ADAMTSL1: variants seen among roughly 807,000 people sequenced by gnomAD.
ADAMTSL1 encodes ADAMTS-like protein 1.
ADAMTSL1 carries 126 observed loss-of-function variants against 201.8 expected under a neutral mutation model. The observed-to-expected ratio is 0.62, with a 90% confidence interval of 0.54 to 0.72. ADAMTSL1 has a LOEUF of 0.72. Among genes scored for constraint, ADAMTSL1 ranks in the 30% least tolerant of loss-of-function variants. The pLI, the probability that ADAMTSL1 is intolerant of heterozygous loss-of-function variation, is 0.00. For synonymous variants in ADAMTSL1, 1,121 were observed against 903.4 expected (o/e 1.24, Z -4.32); for missense variants, 2,679 against 2,277.8 (o/e 1.18, Z -3.59).
intron 2 of ADAMTSL1, among the ~76,000 whole-genome samples, chr9:18,347,495 T>C (rs1835778063): frequency 6.6e-6 from 1 of 152,108 alleles, no homozygotes; most frequent in Non-Finnish European, 1.5e-5. Context: ...AAAGTACATA[T>C]ACACATAGGA....
intron 2 of ADAMTSL1, among the ~76,000 whole-genome samples, chr9:18,435,066 A>G (rs1006108753): frequency 6.6e-6 from 1 of 152,200 alleles, no homozygotes; most frequent in Non-Finnish European, 1.5e-5. Context: ...TCAAAGAGGG[A>G]GTTGAGATGT....
intron 16 of ADAMTSL1, among the ~76,000 whole-genome samples, chr9:18,769,597 G>A (rs544696033): frequency 6.6e-6 from 1 of 152,162 alleles, no homozygotes; most frequent in Non-Finnish European, 1.5e-5. Flanking sequence ...CTAACTTTTT[G>A]TTTGTGACAG....
intron 2 of ADAMTSL1, among the ~76,000 whole-genome samples, chr9:18,169,079 T>G (rs1827768566): frequency 7.8e-6 from 1 of 128,904 alleles, no homozygotes; most frequent in Non-Finnish European, 1.7e-5. Flanking sequence ...GTAGGTTGCC[T>G]GTTCACTCTG....
intron 23 of ADAMTSL1, among the ~76,000 whole-genome samples, chr9:18,869,259 T>C (rs1362685415): frequency 6.6e-6 from 1 of 152,196 alleles, no homozygotes; most frequent in Non-Finnish European, 1.5e-5. Context: ...CCTCCAGAAC[T>C]ATCAGACAAT....
chr9:18,776,676 C>T (rs1028083259), intron 18 of ADAMTSL1, 105 bp from the exon 19 acceptor site: 9 of 1,275,648 alleles, frequency 7.1e-6, no homozygotes, highest in Non-Finnish European at 9.4e-6. Context: ...CTTCTCTTCT[C>T]CACTCTGGCT....
intron 1 of ADAMTSL1, among the ~76,000 whole-genome samples, chr9:18,152,765 G>A (rs762115892): frequency 1.3e-5 from 2 of 151,798 alleles, no homozygotes; most frequent in African/African-American, 2.4e-5. Context: ...AATGTAAAGA[G>A]CAAGAATGCA....
intron 4 of ADAMTSL1, among the ~76,000 whole-genome samples, chr9:18,594,238 T>C (rs944876026): frequency 1.2e-4 from 19 of 152,138 alleles, no homozygotes; most frequent in Non-Finnish European, 2.4e-4. Flanking sequence ...CCAGTTGTAT[T>C]TGATCTCCTT....
At chr9:18,623,714 C>G (rs1826178724) in intron 5 of ADAMTSL1, among the ~76,000 whole-genome samples, 1 of 152,102 alleles carries the variant, frequency 6.6e-6, no homozygotes, top group African/African-American at 2.4e-5. Flanking sequence ...AATAAGACAG[C>G]CCTTGTATTA....
At chr9:18,829,718 A>G in intron 22 of ADAMTSL1, 125 bp from the exon 23 acceptor site, 1 of 1,308,080 alleles carries the variant, frequency 7.6e-7, no homozygotes. Context: ...TTAAAAGGCA[A>G]CAATAGTAAT....
At chr9:18,766,735 A>T (rs1021009043) in intron 16 of ADAMTSL1, among the ~76,000 whole-genome samples, 10 of 151,886 alleles carry the variant, frequency 6.6e-5, no homozygotes, top group African/African-American at 2.4e-4. Context: ...GCTCTCTGGA[A>T]CCTCTTTTAG....
At chr9:18,839,496 G>A (rs1588205283) in intron 23 of ADAMTSL1, among the ~76,000 whole-genome samples, 1 of 152,124 alleles carries the variant, frequency 6.6e-6, no homozygotes, top group African/African-American at 2.4e-5. Context: ...ATAAACATAT[G>A]TGTGCGTGTG....
rs542627820 is a variant in ADAMTSL1 at position 18,270,710 on chromosome 9, A to C, written c.207+106729A>C. 5.9e-5 allele frequency among the ~76,000 whole-genome samples: 9 copies of C among 152,300 alleles called. No homozygotes were observed. The East Asian group carries it at 9.6e-4, about 16-fold the overall frequency. On this transcript the variant is annotated intron_variant, in intron 2 of 29. Transcript: ENST00000680146. The stretch of plus-strand genomic sequence containing the variant: ...TGGTAGGGGAAGCTAACAGACCATC[A>C]CAATTTCATGTTCCCCTTCCACAAG...
chr9:18,753,214 G>T, intron 15 of ADAMTSL1, 84 bp from the exon 16 acceptor site: 1 of 1,380,994 alleles, frequency 7.2e-7, no homozygotes, highest in Non-Finnish European at 1.0e-6. Flanking sequence ...CCAGTTAGGG[G>T]TTTTAACTCC....
chr9:18,523,427 C>T (rs1161912801), intron 2 of ADAMTSL1, among the ~76,000 whole-genome samples: 1 of 152,138 alleles, frequency 6.6e-6, no homozygotes, highest in Admixed American at 6.5e-5. Context: ...TTTTGCTGTG[C>T]AGAAGCTCTT....
intron 2 of ADAMTSL1, among the ~76,000 whole-genome samples, chr9:18,444,774 T>C (rs1019788133): frequency 6.6e-6 from 1 of 152,180 alleles, no homozygotes; most frequent in African/African-American, 2.4e-5. Context: ...TTAAAACTTT[T>C]GTTCAAGTGC....
At chr9:18,189,721 A>G (rs928443893) in intron 2 of ADAMTSL1, among the ~76,000 whole-genome samples, 1 of 152,078 alleles carries the variant, frequency 6.6e-6, no homozygotes, top group African/African-American at 2.4e-5. Flanking sequence ...AGCTCCCACC[A>G]TTATACATGT....
At chr9:18,109,864 C>T (rs1006202082) in intron 1 of ADAMTSL1, among the ~76,000 whole-genome samples, 4 of 152,136 alleles carry the variant, frequency 2.6e-5, no homozygotes, top group East Asian at 1.9e-4. Flanking sequence ...CTTTCCCCTG[C>T]GTATAAAACC....
intron 2 of ADAMTSL1, among the ~76,000 whole-genome samples, chr9:18,342,110 T>C (rs1292820292): frequency 2.6e-5 from 4 of 152,272 alleles, no homozygotes; most frequent in Middle Eastern, 6.8e-3. Context: ...TCAAGCCCGA[T>C]CTTACTCCCA....
At chr9:18,823,513 T>A (rs1217463631) in intron 21 of ADAMTSL1, among the ~76,000 whole-genome samples, 1 of 152,118 alleles carries the variant, frequency 6.6e-6, no homozygotes, top group East Asian at 1.9e-4. Flanking sequence ...TCTGCTTCCA[T>A]CCCTGGGTTC....
Sources: gnomAD v4.1 joint callset for allele counts (sites outside exome capture counted in the v4.1 genomes callset) on GRCh38, gnomAD v4.1.1 for gene constraint, MANE v1.5 for transcripts, NCBI Gene and HGNC (gene_info 2026-07-23, HGNC 2026-07-21) for gene names.